REPS2: variants seen among roughly 807,000 people sequenced by gnomAD.
REPS2 encodes the protein RALBP1 associated Eps domain containing 2.
In REPS2, 23 loss-of-function variants were observed where a neutral mutation model predicts 53.6. The ratio of observed to expected loss-of-function variants is 0.43; its 90% CI spans 0.31 to 0.61. REPS2 has a LOEUF of 0.61. Ranked by LOEUF, REPS2 falls within the 20% of genes least tolerant of loss-of-function variation. The probability of loss-of-function intolerance (pLI) is 0.11; values close to 1 mark genes in which losing one functional copy is unlikely to be tolerated. For synonymous variants in REPS2, 238 were observed against 218.6 expected (o/e 1.09, Z -0.78); for missense variants, 446 against 534.9 (o/e 0.83, Z 1.64).
the REPS2 span, among the ~76,000 whole-genome samples, chrX:17,164,822 T>C: frequency 9.0e-6 from 1 of 110,745 alleles, no homozygotes; most frequent in Non-Finnish European, 1.9e-5. Context: ...ATTAATGAAA[T>C]AGAAAATATA....
At chrX:16,977,948 G>A (rs1024910710) in intron 1 of REPS2, among the ~76,000 whole-genome samples, 3 of 110,942 alleles carry the variant, frequency 2.7e-5, no homozygotes, top group African/African-American at 9.8e-5. Flanking sequence ...TCACTCTTAT[G>A]AATAGCTCCT....
chrX:17,176,325 A>C, the REPS2 span, among the ~76,000 whole-genome samples: 81 of 111,346 alleles, frequency 7.3e-4, no homozygotes, highest in Middle Eastern at 9.3e-3. Flanking sequence ...ATTTACCCAC[A>C]CCAGAGGGTA....
At chrX:17,006,472 TAAG>T in intron 2 of REPS2, 128 bp downstream of exon 2, 1 of 652,462 alleles carries the variant, frequency 1.5e-6, no homozygotes, top group Non-Finnish European at 2.2e-6. Context: ...CAAAATAAAA[TAAG>T]AAAACTTGGC....
the REPS2 span, among the ~76,000 whole-genome samples, chrX:17,176,153 G>A: frequency 9.0e-6 from 1 of 111,448 alleles, no homozygotes; most frequent in Non-Finnish European, 1.9e-5. Context: ...GGTACAGGGT[G>A]TAAACTCCCC....
the REPS2 span, among the ~76,000 whole-genome samples, chrX:17,179,431 C>G: frequency 1.8e-5 from 2 of 111,006 alleles, no homozygotes; most frequent in Non-Finnish European, 3.8e-5. Context: ...TGGAGAGAAA[C>G]CAAGGACACT....
intron 13 of REPS2, among the ~76,000 whole-genome samples, chrX:17,084,336 A>G (rs1174448963): frequency 8.9e-6 from 1 of 111,980 alleles, no homozygotes; most frequent in Non-Finnish European, 1.9e-5. Context: ...CTTTTTGACT[A>G]TTGTGAATAA....
At chrX:17,101,045 T>C (rs1269155930) in intron 13 of REPS2, among the ~76,000 whole-genome samples, 1 of 109,306 alleles carries the variant, frequency 9.1e-6, no homozygotes, top group Non-Finnish European at 1.9e-5. Flanking sequence ...TTTTTCTTTT[T>C]CTTTTTCTTT....
intron 1 of REPS2, among the ~76,000 whole-genome samples, chrX:16,971,572 G>A (rs886747779): frequency 2.7e-5 from 3 of 111,852 alleles, no homozygotes; most frequent in Non-Finnish European, 3.8e-5. Flanking sequence ...TGTTTTTGGT[G>A]TCATATTTAA....
the REPS2 span, among the ~76,000 whole-genome samples, chrX:17,179,805 A>G: frequency 9.0e-6 from 1 of 111,221 alleles, no homozygotes; most frequent in Non-Finnish European, 1.9e-5. Flanking sequence ...CTGTAAGGGG[A>G]AAAAAACCCT....
intron 1 of REPS2, among the ~76,000 whole-genome samples, chrX:16,965,804 C>T (rs1452614356): frequency 8.9e-6 from 1 of 112,678 alleles, no homozygotes. Flanking sequence ...CGCCACTGCA[C>T]TCCAGCCTGG....
intron 2 of REPS2, among the ~76,000 whole-genome samples, chrX:17,015,994 T>C (rs1370851409): frequency 3.6e-5 from 4 of 111,796 alleles, no homozygotes; most frequent in Non-Finnish European, 5.6e-5. Flanking sequence ...CACACTGACT[T>C]CCACAATGAT....
chrX:17,184,361 T>C, the REPS2 span, among the ~76,000 whole-genome samples: 37 of 106,796 alleles, frequency 3.5e-4, no homozygotes, highest in Middle Eastern at 0.028. Flanking sequence ...CATGAACTCA[T>C]CATTTTTTAT....
At chrX:17,045,390 G>A (rs1569145120) in intron 5 of REPS2, among the ~76,000 whole-genome samples, 2 of 110,689 alleles carry the variant, frequency 1.8e-5, no homozygotes, top group Non-Finnish European at 3.8e-5. Context: ...AGGGATATGG[G>A]TAAGTTCCCT....
chrX:16,958,049 T>G (rs1028042121), intron 1 of REPS2, among the ~76,000 whole-genome samples: 1 of 112,122 alleles, frequency 8.9e-6, no homozygotes, highest in Non-Finnish European at 1.9e-5. Context: ...ACGGAGGCAC[T>G]GAGGGTGAGG....
chrX:17,128,866 A>G (rs1043762212), intron 14 of REPS2, among the ~76,000 whole-genome samples: 3 of 112,447 alleles, frequency 2.7e-5, no homozygotes, highest in Non-Finnish European at 5.6e-5. Context: ...TATTAATATT[A>G]CAATATTATA....
intron 6 of REPS2, among the ~76,000 whole-genome samples, chrX:17,048,394 C>T (rs1423688494): frequency 8.9e-6 from 1 of 112,416 alleles, no homozygotes; most frequent in African/African-American, 3.2e-5. Flanking sequence ...ACCCATATTG[C>T]ACGATTTGAC....
rs1474556158 is a variant in REPS2 at position 17,151,375 on chromosome X, A to G, written c.*3894A>G. The G allele has an allele frequency of 8.9e-6, 1 of 112,608 alleles. No homozygotes were observed. The highest frequency in any genetic ancestry group is 1.9e-5 in the Non-Finnish European group (1 of 53,292). 9.3% of individuals were successfully genotyped at this position (112,608 alleles called of 1,213,427 possible). ...TAAATGACATTTGTCTGTTTCTTAA[A>G]TGATCTCACAGCCATGGTAATAATA... is the stretch of plus-strand genomic sequence containing the variant. On this transcript the variant is annotated 3_prime_UTR_variant, in exon 18 of 18. Transcript: ENST00000357277.
chrX:17,168,537 G>A, the REPS2 span, among the ~76,000 whole-genome samples: 16,519 of 110,326 alleles, frequency 0.15, 950 homozygotes, highest in Admixed American at 0.19. Context: ...GCTTCTCAGG[G>A]ATCTCTGTGG....
intron 1 of REPS2, among the ~76,000 whole-genome samples, chrX:16,978,837 A>G (rs2060987404): frequency 8.9e-6 from 1 of 112,034 alleles, no homozygotes; most frequent in Non-Finnish European, 1.9e-5. Flanking sequence ...ATGATCCTGC[A>G]TTTATTATTT....
Sources: allele counts gnomAD v4.1 joint callset (sites outside exome capture counted in the v4.1 genomes callset), GRCh38; gene constraint gnomAD v4.1.1; transcripts MANE v1.5; gene names NCBI Gene and HGNC (gene_info 2026-07-23, HGNC 2026-07-21).